TBX6: variants seen among roughly 807,000 people sequenced by gnomAD.
TBX6 encodes T-box transcription factor 6.
A neutral mutation model predicts 42.3 loss-of-function variants in TBX6; 29 were observed. The ratio of observed to expected loss-of-function variants is 0.69; its 90% confidence interval spans 0.51 to 0.93. The LOEUF is 0.93. Ranked by LOEUF, TBX6 falls within the 40% of genes least tolerant of loss-of-function variation. The pLI is 0.00. For synonymous variants in TBX6, 249 were observed against 245.1 expected, an observed-to-expected ratio of 1.02 and a Z score of -0.15; for missense variants, 569 against 603.3, an observed-to-expected ratio of 0.94 and a Z score of 0.59.
rs1176717095 is a variant in TBX6 at position 30,088,351 on chromosome 16, CTTTG to C, written c.839+190_839+193del. 5.2e-6 allele frequency: 4 copies of C among 768,656 alleles called. No homozygotes were observed. The highest frequency in any genetic ancestry group is 3.4e-5 in the South Asian group (2 of 58,368). The allele number at this position is 768,656 out of a possible 1,614,324, so 47.6% of individuals were successfully genotyped here. A position where few individuals can be genotyped will look rare whatever the true frequency, so the allele number is the denominator to read the frequency against. On this transcript the variant is annotated intron_variant, in intron 6 of 8. Coordinates refer to ENST00000395224, the MANE Select transcript of TBX6 (RefSeq NM_004608.4). The surrounding 1 kb of genome is among the most constrained non-coding windows in gnomAD (Gnocchi z 4.1). ...GCATGAGGGCCGGGGCTTTGGTTTGCTTTGTTTGTTTTATCTCCAGTGCCTGGAA... is the reference window on the plus strand; with the variant it reads ...GCATGAGGGCCGGGGCTTTGGTTTGCTTTGTTTTATCTCCAGTGCCTGGAA...
At position 30,088,520 on chromosome 16, in the gene TBX6, G is replaced by C. The variant is rs374328196; in HGVS notation, c.839+25C>G. The C allele has an allele frequency of 2.5e-6, 4 of 1,613,936 alleles. No individual in the cohort carries two copies. The highest frequency in any genetic ancestry group is 3.4e-6 in the Non-Finnish European group (4 of 1,179,804). ...ATTAATAAACATTTGTTGAATGCAT[G>C]AACAAATGAATGAACAACTCCCACC... On this transcript the variant is annotated intron_variant, in intron 6 of 8. Transcript: ENST00000395224. The surrounding 1 kb of genome is among the most constrained non-coding windows in gnomAD (Gnocchi z 4.1).
rs748053331 is a variant in TBX6, at chr16:30,086,650, C to A, written c.959G>T (p.Arg320Leu). ...TGGGGCCTGTTCTGGATCTGATTCA[C>A]GAATGTCTCCACCCAGGGTGGAGTC... Reference protein sequence around the residue: ...PCDSTLGGDIRESDPEQAPAP... With the variant: ...PCDSTLGGDILESDPEQAPAP... Residue 320 changes from arginine to leucine, a missense_variant, in exon 8 of 9, where the codon CGT (arginine) becomes CTT (leucine). Around this residue, in one of 3 missense-constraint regions of TBX6, gnomAD observed 245 missense variants for 227.4 expected, o/e 1.08. Coordinates refer to ENST00000395224, the MANE Select transcript of TBX6 (RefSeq NM_004608.4). The surrounding 1 kb of genome is among the most constrained non-coding windows in gnomAD (Gnocchi z 4.6). The A allele has an allele frequency of 1.9e-6, 3 of 1,608,596 alleles. No homozygotes were observed. The East Asian group carries it at 6.7e-5, about 36-fold the overall frequency.
Position 30,088,576 on chromosome 16 carries a change from C to G in TBX6, c.808G>C (p.Gly270Arg), listed in dbSNP as rs2072674229. 1 of 1,614,202 alleles carries G rather than the reference C, an allele frequency of 6.2e-7. No homozygotes were observed. The highest frequency in any genetic ancestry group is 8.5e-7 in the Non-Finnish European group (1 of 1,180,050). ...CAGTTTCTGCCGTTCTCCCGGAAGC[C>G]TTTGGCAAAGGGATTGGCTGCAATC... ...LKIAANPFAK[G>R]FRENGRNCKR... Residue 270 changes from glycine to arginine, a missense_variant, in exon 6 of 9, where the codon GGC becomes CGC. By Grantham distance (125) the Gly-to-Arg change is moderately radical. This residue lies in a region of TBX6 where 190 missense variants were observed against 250.6 expected (regional missense o/e 0.76). Coordinates refer to ENST00000395224, the MANE Select transcript of TBX6 (RefSeq NM_004608.4). This position sits in a 1 kb window ranked among gnomAD's most constrained non-coding sequence, Gnocchi z 4.1.
rs767428821 is a variant in TBX6 at position 30,088,894 on chromosome 16, C to G, written c.621+49G>C. The G allele has an allele frequency of 6.2e-7, 1 of 1,603,514 alleles. No homozygotes were observed. Among genetic ancestry groups the G allele is most frequent in the Middle Eastern group, 1.7e-4 (1 of 6,014 alleles). On this transcript the variant is annotated intron_variant, in intron 4 of 8. Coordinates refer to ENST00000395224, the MANE Select transcript of TBX6 (RefSeq NM_004608.4). This position sits in a 1 kb window ranked among gnomAD's most constrained non-coding sequence, Gnocchi z 4.1. Reference sequence around the variant, plus strand: ...TGCCCTGCGCCTCACCCTTGGCCTCCCTTCCAGCACCCCCCAACCCTATCC... The same window carrying G: ...TGCCCTGCGCCTCACCCTTGGCCTCGCTTCCAGCACCCCCCAACCCTATCC...
rs368849658 is a variant in TBX6, at chr16:30,090,468, C to A, written c.353+290G>T. 6.6e-4 allele frequency among the ~76,000 whole-genome samples: 100 copies of A among 152,222 alleles called. No individual in the cohort carries two copies. The South Asian group carries it at 7.0e-3, about 11-fold the overall frequency. On this transcript the variant is annotated intron_variant, in intron 3 of 8. Transcript: ENST00000395224. The stretch of plus-strand genomic sequence containing the variant: ...GATGCTGGTCTAAGCCACACACTAA[C>A]CTATAACCCAGAGGGACTTCCTGAC...
In TBX6 at chr16:30,085,992, G is replaced by T. The variant is rs2072619583; in HGVS notation, c.*233C>A. On this transcript the variant is annotated 3_prime_UTR_variant, in exon 9 of 9. Transcript: ENST00000395224. Reference sequence around the variant, plus strand: ...CAGAGCCCCTTCCATTCACACGGAGGTGAGAGCCGGGAAGGGGAAGCCGGC... The same window carrying T: ...CAGAGCCCCTTCCATTCACACGGAGTTGAGAGCCGGGAAGGGGAAGCCGGC... 2 of 532,248 alleles carry T rather than the reference G, an allele frequency of 3.8e-6. No individual in the cohort carries two copies. Among genetic ancestry groups the T allele is most frequent in the Non-Finnish European group, 6.6e-6 (2 of 303,422 alleles). 33.0% of individuals were successfully genotyped at this position (532,248 alleles called of 1,614,324 possible).
In TBX6 at chr16:30,089,182, C is replaced by CG. The variant is rs1229989057; in HGVS notation, c.381_382insC (p.Val128ArgfsTer43). The CG allele has an allele frequency of 6.2e-7, 1 of 1,613,936 alleles. No homozygotes were observed. The highest frequency in any genetic ancestry group is 1.1e-5 in the South Asian group (1 of 91,070). On this transcript the variant is annotated frameshift_variant, in exon 4 of 9. Transcript: ENST00000395224. LOFTEE classifies it high-confidence loss of function. ...CGGGCCTCGGGGTCCAGGCCAGTGA[C>CG]TGACACTCGGCAGGCAGGGAACATG...
In TBX6 at chr16:30,088,518, A is replaced by G. The variant is rs1596851562; in HGVS notation, c.839+27T>C. 6.2e-7 allele frequency: 1 copy of G among 1,613,916 alleles called. No homozygotes were observed. The highest frequency in any genetic ancestry group is 8.5e-7 in the Non-Finnish European group (1 of 1,179,768). ...TGATTAATAAACATTTGTTGAATGCATGAACAAATGAATGAACAACTCCCA... is the reference window on the plus strand; with the variant it reads ...TGATTAATAAACATTTGTTGAATGCGTGAACAAATGAATGAACAACTCCCA... On this transcript the variant is annotated intron_variant, in intron 6 of 8. Coordinates refer to ENST00000395224, the MANE Select transcript of TBX6 (RefSeq NM_004608.4). This position sits in a 1 kb window ranked among gnomAD's most constrained non-coding sequence, Gnocchi z 4.1.
chr16:30,088,546 T>TGTA lies in TBX6; in HGVS notation c.837_838insTAC (p.Lys279_Arg280insTyr). The TGTA allele has an allele frequency of 3.1e-6, 5 of 1,614,218 alleles. No individual in the cohort carries two copies. The South Asian group carries it at 5.5e-5, about 18-fold the overall frequency. ...AACAAATGAATGAACAACTCCCACC[T>TGTA]CTTACAGTTTCTGCCGTTCTCCCGG... On this transcript the variant is annotated inframe_insertion and splice_region_variant, in exon 6 of 9. Coordinates refer to ENST00000395224, the MANE Select transcript of TBX6 (RefSeq NM_004608.4). This position sits in a 1 kb window ranked among gnomAD's most constrained non-coding sequence, Gnocchi z 4.1.
At position 30,091,155 on chromosome 16, in the gene TBX6, G is replaced by A. The variant is rs768810590; in HGVS notation, c.39C>T (p.Ala13=). Residue 13 remains alanine, a synonymous_variant, in exon 2 of 9, where the codon GCC becomes GCT. Transcript: ENST00000395224. ...GTTGGGCGGGCCCCAGGCGGTAGCC[G>A]GCCCCCAGGGACGGGTACAATTCTC... ...HPRELYPSLG[A]GYRLGPAQPG... 1.9e-6 allele frequency: 3 copies of A among 1,594,534 alleles called. No individual in the cohort carries two copies. The highest frequency in any genetic ancestry group is 1.9e-4 in the Middle Eastern group (1 of 5,314).
At chr16:30,089,281 G>A (rs987176305) in intron 3 of TBX6, 71 bp from the exon 4 acceptor site, 38 of 1,543,368 alleles carry the variant, frequency 2.5e-5, no homozygotes, top group Non-Finnish European at 3.0e-5. Flanking sequence ...CACCAGTAAC[G>A]GGACATAACA....
In TBX6 at chr16:30,088,167, G is replaced by C. The variant is rs1452291022; in HGVS notation, c.839+378C>G. 1 of 283,128 alleles carries C rather than the reference G, an allele frequency of 3.5e-6. No individual in the cohort carries two copies. Among genetic ancestry groups the C allele is most frequent in the Non-Finnish European group, 6.9e-6 (1 of 144,132 alleles). The allele number at this position is 283,128 out of a possible 1,614,324, so 17.5% of individuals were successfully genotyped here. ...TTGGCAGGCTGGTCTCGAACTCCTG[G>C]CCTCAGGTGATCTGCCCGCCTCAGC... On this transcript the variant is annotated intron_variant, in intron 6 of 8. Coordinates refer to ENST00000395224, the MANE Select transcript of TBX6 (RefSeq NM_004608.4). This position sits in a 1 kb window ranked among gnomAD's most constrained non-coding sequence, Gnocchi z 4.1.
intron 3 of TBX6, among the ~76,000 whole-genome samples, 187 bp from the exon 4 acceptor site, chr16:30,089,397 G>T (rs981599714): frequency 1.3e-5 from 2 of 152,196 alleles, no homozygotes; most frequent in Admixed American, 6.5e-5. Flanking sequence ...TACTTTGGGA[G>T]GCCAAGGTGG....
rs768465241 is a variant in TBX6, at chr16:30,089,052, C to T, written c.512G>A (p.Arg171His). 31 of 1,613,790 alleles carry T rather than the reference C, an allele frequency of 1.9e-5. No individual in the cohort carries two copies. The highest frequency in any genetic ancestry group is 7.7e-5 in the South Asian group (7 of 91,076). The stretch of plus-strand genomic sequence containing the variant: ...AGGAGAGTCGGGGTGAATGTAGACA[C>T]GGTCAGGCAGGCGGGGCTCTGCCTT... Reference protein sequence around the residue: ...SGKAEPRLPDRVYIHPDSPAT... With the variant: ...SGKAEPRLPDHVYIHPDSPAT... Residue 171 changes from arginine (R) to histidine (H), a missense_variant, in exon 4 of 9, where the codon CGT (arginine) becomes CAT (histidine). Coordinates refer to ENST00000395224, the MANE Select transcript of TBX6 (RefSeq NM_004608.4).
In TBX6 at chr16:30,088,386, C is replaced by T; in HGVS notation, c.839+159G>A. 1 of 1,035,390 alleles carries T rather than the reference C, an allele frequency of 9.7e-7. No homozygotes were observed. Among genetic ancestry groups the T allele is most frequent in the South Asian group, 1.4e-5 (1 of 69,728 alleles). The allele number at this position is 1,035,390 out of a possible 1,614,324, so 64.1% of individuals were successfully genotyped here. Reference sequence around the variant, plus strand: ...TTTATCTCCAGTGCCTGGAACTGTCCCTGGCACATAGCAGGTACTATATAA... The same window carrying T: ...TTTATCTCCAGTGCCTGGAACTGTCTCTGGCACATAGCAGGTACTATATAA... On this transcript the variant is annotated intron_variant, in intron 6 of 8. Transcript: ENST00000395224. The surrounding 1 kb of genome is among the most constrained non-coding windows in gnomAD (Gnocchi z 4.1).
chr16:30,087,742 T>C (rs2072657278), intron 6 of TBX6, among the ~76,000 whole-genome samples: 1 of 152,160 alleles, frequency 6.6e-6, no homozygotes, highest in South Asian at 2.1e-4. Flanking sequence ...TAGTGTGCTT[T>C]GCCAGATGCC....
In TBX6 at chr16:30,088,769, T is replaced by G. The variant is rs766349537; in HGVS notation, c.692A>C (p.Gln231Pro). The change falls in exon 5 of 9, where the codon CAG becomes CCG. Residue 231 changes from glutamine to proline, a missense_variant. This residue lies in a region of TBX6 where 190 missense variants were observed against 250.6 expected (regional missense o/e 0.76). Coordinates refer to ENST00000395224, the MANE Select transcript of TBX6 (RefSeq NM_004608.4). The surrounding 1 kb of genome is among the most constrained non-coding windows in gnomAD (Gnocchi z 4.1). ...GAAGGAGGCCATGCCCCCCCAGTGC[T>G]GGCTGCAGAGCTGGGCTGCCCGAAC... The part of the protein sequence containing the change: ...HLVRAAQLCS[Q>P]HWGGMASFRF... The G allele has an allele frequency of 1.2e-6, 2 of 1,614,060 alleles. No homozygotes were observed. The highest frequency in any genetic ancestry group is 1.7e-6 in the Non-Finnish European group (2 of 1,179,934).
rs2072629355 is a variant in TBX6, at chr16:30,086,386, C to T, written c.1150G>A (p.Ala384Thr). The change falls in exon 9 of 9, where the codon GCT becomes ACT. Residue 384 changes from alanine (A) to threonine (T), a missense_variant. Transcript: ENST00000395224. This position sits in a 1 kb window ranked among gnomAD's most constrained non-coding sequence, Gnocchi z 4.6. ...PDSGRSAPYS[A>T]AFLELPHGSG... Reference sequence around the variant, plus strand: ...CCGTGCGGCAGCTCCAGAAATGCAGCCGAGTAGGGGGCTGAGCGCCCGGAG... The same window carrying T: ...CCGTGCGGCAGCTCCAGAAATGCAGTCGAGTAGGGGGCTGAGCGCCCGGAG... The T allele has an allele frequency of 6.4e-7, 1 of 1,569,780 alleles. No individual in the cohort carries two copies. Among genetic ancestry groups the T allele is most frequent in the Admixed American group, 2.2e-5 (1 of 45,786 alleles).
Position 30,086,347 on chromosome 16 carries a change from C to T in TBX6, c.1189G>A (p.Gly397Arg), listed in dbSNP as rs769357141. Residue 397 changes from glycine to arginine, a missense_variant, in exon 9 of 9, where the codon GGG becomes AGG. Transcript: ENST00000395224. The surrounding 1 kb of genome is among the most constrained non-coding windows in gnomAD (Gnocchi z 4.6). The stretch of plus-strand genomic sequence containing the variant: ...ACCGCCGGTGGAGCCGCTGGGTACC[C>T]GGAGCCCCCTGACCCGTGCGGCAGC... ...LELPHGSGGS[G>R]YPAAPPAVPF... The T allele has an allele frequency of 1.4e-5, 22 of 1,601,284 alleles. No individual in the cohort carries two copies. Among genetic ancestry groups the T allele is most frequent in the African/African-American group, 5.4e-5 (4 of 73,952 alleles).
Sources: allele counts gnomAD v4.1 joint callset (sites outside exome capture counted in the v4.1 genomes callset), GRCh38; gene constraint gnomAD v4.1.1; regional missense constraint gnomAD v4.1.1; non-coding constraint Gnocchi (gnomAD v3.1); transcripts MANE v1.5; gene names NCBI Gene and HGNC (gene_info 2026-07-23, HGNC 2026-07-21).